The following MTMR14 variants were observed in gnomAD, a reference collection of about 807,000 sequenced individuals.
MTMR14 encodes myotubularin related protein 14.
A neutral mutation model predicts 86.3 loss-of-function variants in MTMR14; 48 were observed. The observed-to-expected ratio is 0.56, with a 90% CI of 0.44 to 0.71. The LOEUF is 0.71. Among genes scored for constraint, MTMR14 ranks in the 30% least tolerant of loss-of-function variants. The pLI is 0.00. For synonymous variants in MTMR14, 366 were observed against 326.1 expected, an observed-to-expected ratio of 1.12 and a Z score of -1.32; for missense variants, 780 against 834.6, an observed-to-expected ratio of 0.93 and a Z score of 0.81.
rs1429851346 is a variant in MTMR14 at position 9,671,086 on chromosome 3, A to C, written c.593A>C (p.Tyr198Ser). The change falls in exon 6 of 19, where the codon TAT becomes TCT. Residue 198 changes from tyrosine (Y) to serine (S), a missense_variant. Tyr to Ser is a moderately radical substitution (Grantham distance 144). Transcript: ENST00000296003. ...CATCTTTTTGATAAGGTCAGAGGCT[A>C]TGACATCAAGCTGCTTCGATACCTG... ...DTHLFDKVRG[Y>S]DIKLLRYLSV... The C allele has an allele frequency of 1.9e-6, 3 of 1,614,072 alleles. No individual in the cohort carries two copies. In the Admixed American group the frequency reaches 5.0e-5, roughly 27 times the overall value.
rs1219187380 is a variant in MTMR14, at chr3:9,698,018, A to G, written c.1769+152A>G. 23 of 1,130,072 alleles carry G rather than the reference A, an allele frequency of 2.0e-5. No individual in the cohort carries two copies. In the East Asian group the frequency reaches 2.1e-4, roughly 10 times the overall value. 70.0% of individuals were successfully genotyped at this position (1,130,072 alleles called of 1,614,324 possible). A position where few individuals can be genotyped will look rare whatever the true frequency, so the allele number is the denominator to read the frequency against. ...TCTCAGCTGCTGGACCCGAGGTATG[A>G]AGGAGGCCTGTGGCTGGTCAGGAAG... is the stretch of plus-strand genomic sequence containing the variant. On this transcript the variant is annotated intron_variant, in intron 18 of 18. Coordinates refer to ENST00000296003, the MANE Select transcript of MTMR14 (RefSeq NM_001077525.3).
intron 9 of MTMR14, among the ~76,000 whole-genome samples, chr3:9,682,233 TG>T (rs1476634725): frequency 1.3e-5 from 2 of 152,232 alleles, no homozygotes; most frequent in East Asian, 3.9e-4. Flanking sequence ...TCACTAAAAG[TG>T]GGTCAGAACT....
intron 3 of MTMR14, among the ~76,000 whole-genome samples, chr3:9,666,962 T>C (rs1247479478): frequency 6.6e-6 from 1 of 152,328 alleles, no homozygotes; most frequent in East Asian, 1.9e-4. Flanking sequence ...AAGAGGCTGG[T>C]TCCCCACTTG....
intron 9 of MTMR14, among the ~76,000 whole-genome samples, chr3:9,678,956 G>C (rs1306418405): frequency 6.6e-6 from 1 of 152,178 alleles, no homozygotes; most frequent in Non-Finnish European, 1.5e-5. Context: ...AAAACATTCT[G>C]CCTCCCTGCT....
chr3:9,681,967 A>G (rs1216988552), intron 9 of MTMR14, among the ~76,000 whole-genome samples: 1 of 152,102 alleles, frequency 6.6e-6, no homozygotes, highest in Non-Finnish European at 1.5e-5. Context: ...GGTGGCTGGC[A>G]TTCCGCAGCT....
At chr3:9,688,011 C>G in intron 14 of MTMR14, 120 bp downstream of exon 14, 1 of 859,524 alleles carries the variant, frequency 1.2e-6, no homozygotes, top group Non-Finnish European at 1.9e-6. Flanking sequence ...TGGGCTGGTG[C>G]TCCCTCCTGC....
chr3:9,686,934 C>A (rs1222258267), intron 13 of MTMR14, among the ~76,000 whole-genome samples: 1 of 152,316 alleles, frequency 6.6e-6, no homozygotes, highest in Admixed American at 6.5e-5. Context: ...GGGTCAGGAG[C>A]CTCCTGCCTG....
Position 9,697,751 on chromosome 3 carries a change from G to A in MTMR14, c.1654G>A (p.Asp552Asn). 6.2e-7 allele frequency: 1 copy of A among 1,614,110 alleles called. No individual in the cohort carries two copies. The highest frequency in any genetic ancestry group is 8.5e-7 in the Non-Finnish European group (1 of 1,180,024). ...CCTGCCCGGATCCTCTCTCTCCACA[G>A]ACTATGGCAGCTGGCAGATGGTAAC... ...HPLPGSSLST[D>N]YGSWQMVTGC... The change falls in exon 18 of 19, where the codon GAC becomes AAC. Residue 552 changes from aspartate to asparagine, a missense_variant. Transcript: ENST00000296003.
At position 9,653,150 on chromosome 3, in the gene MTMR14, G is replaced by A. The variant is rs548851569; in HGVS notation, c.160-471G>A. On this transcript the variant is annotated intron_variant, in intron 1 of 18. Coordinates refer to ENST00000296003, the MANE Select transcript of MTMR14 (RefSeq NM_001077525.3). The stretch of plus-strand genomic sequence containing the variant: ...CTACTCGGGGTGAGACAGGAGAATC[G>A]CTTGAACCCCGGACGCGGAGGCTGC... Among the ~76,000 whole-genome samples the A allele has an allele frequency of 1.6e-4, 24 of 152,140 alleles. No homozygotes were observed. In the South Asian group the frequency reaches 3.5e-3, roughly 22 times the overall value.
At chr3:9,672,542 G>C (rs1316896017) in intron 6 of MTMR14, 143 bp from the exon 7 acceptor site, 4 of 749,448 alleles carry the variant, frequency 5.3e-6, no homozygotes, top group Non-Finnish European at 9.5e-6. Flanking sequence ...TACAAAGTAG[G>C]CACTGCTGAA....
rs758059701 is a variant in MTMR14, at chr3:9,684,635, C to G, written c.1015C>G (p.Leu339Val). ...HCISGWDRTP[L>V]FISLLRLSLW... ...TATCTCAGGCTGGGATCGGACCCCC[C>G]TCTTCATCTCCCTCCTGCGCCTTTC... Residue 339 changes from leucine (L) to valine (V), a missense_variant, in exon 11 of 19, where the codon CTC becomes GTC. Transcript: ENST00000296003. 2.5e-6 allele frequency: 4 copies of G among 1,614,202 alleles called. No individual in the cohort carries two copies. Among genetic ancestry groups the G allele is most frequent in the Middle Eastern group, 3.3e-4 (2 of 6,062 alleles).
chr3:9,670,510 C>G (rs927130187), intron 5 of MTMR14, among the ~76,000 whole-genome samples: 1 of 152,232 alleles, frequency 6.6e-6, no homozygotes, highest in African/African-American at 2.4e-5. Flanking sequence ...TTTTATCTTT[C>G]TCTTTGCTTC....
At chr3:9,657,695 C>G (rs539350053) in intron 2 of MTMR14, among the ~76,000 whole-genome samples, 60 of 152,184 alleles carry the variant, frequency 3.9e-4, no homozygotes, top group Non-Finnish European at 4.3e-4. Context: ...GGATTACAGG[C>G]GCGTGCCACC....
intron 15 of MTMR14, 26 bp downstream of exon 15, chr3:9,688,780 C>G: frequency 6.2e-7 from 1 of 1,613,854 alleles, no homozygotes; most frequent in Non-Finnish European, 8.5e-7. Flanking sequence ...CAACAGACTT[C>G]CCTTCCTCCA....
At chr3:9,652,532 T>G (rs2047361179) in intron 1 of MTMR14, among the ~76,000 whole-genome samples, 1 of 151,994 alleles carries the variant, frequency 6.6e-6, no homozygotes, top group African/African-American at 2.4e-5. Context: ...GCAGGTAGAC[T>G]GCTTCAGCCC....
At chr3:9,689,183 A>G in intron 16 of MTMR14, 101 bp downstream of exon 16, 1 of 1,520,416 alleles carries the variant, frequency 6.6e-7, no homozygotes, top group Middle Eastern at 2.2e-4. Context: ...CAGGCCCCCA[A>G]GAGAAGAGCT....
At chr3:9,651,034 C>T (rs684882) in intron 1 of MTMR14, among the ~76,000 whole-genome samples, 11 of 152,158 alleles carry the variant, frequency 7.2e-5, no homozygotes, top group African/African-American at 2.4e-4. Flanking sequence ...AGGTGATCCG[C>T]CTACCTCAGC....
Position 9,653,609 on chromosome 3 carries a change from T to C in MTMR14, c.160-12T>C. On this transcript the variant is annotated splice_polypyrimidine_tract_variant and intron_variant, in intron 1 of 18. Transcript: ENST00000296003. ...GAATTCTCTTTGTGTTCTGGTCTCC[T>C]TCTCTGTGCAGGTTGAGCGCATTGA... 1 of 1,614,102 alleles carries C rather than the reference T, an allele frequency of 6.2e-7. No homozygotes were observed. Among genetic ancestry groups the C allele is most frequent in the Non-Finnish European group, 8.5e-7 (1 of 1,180,004 alleles).
In MTMR14 at chr3:9,677,889, T is replaced by G; in HGVS notation, c.823-95T>G. 4 of 1,098,138 alleles carry G rather than the reference T, an allele frequency of 3.6e-6. No homozygotes were observed. Among genetic ancestry groups the G allele is most frequent in the Middle Eastern group, 2.1e-4 (1 of 4,854 alleles). 68.0% of individuals were successfully genotyped at this position (1,098,138 alleles called of 1,614,324 possible). ...TGGCCCAGAGAAGGCAAGCACTGCC[T>G]GTGGTAGTCACAGCCTCAGGACTGC... On this transcript the variant is annotated intron_variant, in intron 8 of 18. Transcript: ENST00000296003. The surrounding 1 kb of genome is among the most constrained non-coding windows in gnomAD (Gnocchi z 4.2).
Sources: allele counts gnomAD v4.1 joint callset (sites outside exome capture counted in the v4.1 genomes callset), GRCh38; gene constraint gnomAD v4.1.1; non-coding constraint Gnocchi (gnomAD v3.1); transcripts MANE v1.5; gene names NCBI Gene and HGNC (gene_info 2026-07-23, HGNC 2026-07-21).